The following VPS26B variants were observed in gnomAD, a reference collection of about 807,000 sequenced individuals.
VPS26B encodes vacuolar protein sorting-associated protein 26B.
A neutral mutation model predicts 33.3 loss-of-function variants in VPS26B; 10 were observed. That is an observed-to-expected ratio of 0.30 (90% CI 0.19 to 0.51). The LOEUF (loss-of-function observed/expected upper bound fraction) is 0.51, where lower values mean the gene tolerates loss of function less well. VPS26B is among the 20% of genes least tolerant of loss of function. The probability of loss-of-function intolerance (pLI) is 0.98; values close to 1 mark genes in which losing one functional copy is unlikely to be tolerated. For missense variants in VPS26B, 317 were observed against 452.7 expected, an observed-to-expected ratio of 0.70 and a Z score of 2.72; for synonymous variants, 190 against 176.9, an observed-to-expected ratio of 1.07 and a Z score of -0.59.
chr11:134,235,171 C>T (rs576937468), intron 2 of VPS26B, 118 bp downstream of exon 2: 41 of 1,301,264 alleles, frequency 3.2e-5, no homozygotes, highest in African/African-American at 1.0e-4. Context: ...AAGAGTGTCG[C>T]GAGCTGTGGC....
In VPS26B at chr11:134,238,837, C is replaced by T. The variant is rs538349540; in HGVS notation, c.381-1154C>T. On this transcript the variant is annotated intron_variant, in intron 2 of 5. Transcript: ENST00000281187. ...GTCTCGATCTCCTGACCTCGTGATC[C>T]GCCCGCCTCTGCCTCCCAAAGTGCT... 7.2e-5 allele frequency among the ~76,000 whole-genome samples: 11 copies of T among 151,976 alleles called. No homozygotes were observed. The East Asian group carries it at 9.7e-4, about 13-fold the overall frequency.
intron 3 of VPS26B, 75 bp from the exon 4 acceptor site, chr11:134,243,044 C>A: frequency 6.8e-7 from 1 of 1,480,608 alleles, no homozygotes; most frequent in Non-Finnish European, 9.3e-7. Context: ...TTGGCCGTGG[C>A]GTGTGCGCTC....
chr11:134,234,731 G>A (rs1055747260), intron 1 of VPS26B, among the ~76,000 whole-genome samples, 166 bp from the exon 2 acceptor site: 3 of 152,138 alleles, frequency 2.0e-5, no homozygotes, highest in African/African-American at 7.2e-5. Flanking sequence ...GAAGAAGGAG[G>A]GAGTGAAAGA....
chr11:134,228,624 T>C (rs1173052445), intron 1 of VPS26B, among the ~76,000 whole-genome samples: 2 of 152,264 alleles, frequency 1.3e-5, no homozygotes, highest in Non-Finnish European at 2.9e-5. Context: ...TGGAAGTCTA[T>C]TTGGAGGCAC....
At position 134,225,042 on chromosome 11, in the gene VPS26B, C is replaced by T; in HGVS notation, c.-81C>T. 7.1e-7 allele frequency: 1 copy of T among 1,401,264 alleles called. No homozygotes were observed. The highest frequency in any genetic ancestry group is 9.5e-7 in the Non-Finnish European group (1 of 1,050,906). 86.8% of individuals were successfully genotyped at this position (1,401,264 alleles called of 1,614,324 possible). On this transcript the variant is annotated 5_prime_UTR_variant, in exon 1 of 6. Transcript: ENST00000281187. Reference sequence around the variant, plus strand: ...CGAGCGCGCTCGCGCATCGGGCCCTCTGGCCTTCTTTACCTAGGGCAGCCC... The same window carrying T: ...CGAGCGCGCTCGCGCATCGGGCCCTTTGGCCTTCTTTACCTAGGGCAGCCC...
Position 134,225,229 on chromosome 11 carries a change from A to G in VPS26B, c.107A>G (p.Lys36Arg), listed in dbSNP as rs1938426044. 6.2e-7 allele frequency: 1 copy of G among 1,614,106 alleles called. No individual in the cohort carries two copies. Among genetic ancestry groups the G allele is most frequent in the African/African-American group, 1.3e-5 (1 of 75,050 alleles). ...AAGACGGAGGACGGGAAGAAGGAGAAATATTTCCTCTTCTACGACGGGGAG... is the reference window on the plus strand; with the variant it reads ...AAGACGGAGGACGGGAAGAAGGAGAGATATTTCCTCTTCTACGACGGGGAG... ...EHKTEDGKKE[K>R]YFLFYDGETV... is the part of the protein sequence containing the mutation. The change falls in exon 1 of 6, where the codon AAA becomes AGA. Residue 36 changes from lysine (K) to arginine (R), a missense_variant. Physicochemically the swap from Lys to Arg is conservative, Grantham distance 26. Transcript: ENST00000281187.
At chr11:134,243,492 C>T in intron 4 of VPS26B, 198 bp downstream of exon 4, 1 of 604,800 alleles carries the variant, frequency 1.7e-6, no homozygotes, top group Non-Finnish European at 2.8e-6. Context: ...AGGCTACTAT[C>T]CCATCTTCAC....
chr11:134,239,815 G>A, intron 2 of VPS26B, 176 bp from the exon 3 acceptor site: 1 of 683,306 alleles, frequency 1.5e-6, no homozygotes, highest in South Asian at 1.7e-5. Context: ...CTCTGTATAG[G>A]TACATATGTG....
intron 2 of VPS26B, 122 bp downstream of exon 2, chr11:134,235,175 C>T: frequency 4.7e-6 from 6 of 1,266,636 alleles, no homozygotes; most frequent in Non-Finnish European, 6.5e-6. Context: ...GTGTCGCGAG[C>T]TGTGGCGTGC....
At position 134,240,254 on chromosome 11, in the gene VPS26B, C is replaced by T; in HGVS notation, c.545+99C>T. The T allele has an allele frequency of 7.2e-7, 1 of 1,389,342 alleles. No individual in the cohort carries two copies. Among genetic ancestry groups the T allele is most frequent in the Non-Finnish European group, 1.0e-6 (1 of 999,380 alleles). 86.1% of individuals were successfully genotyped at this position (1,389,342 alleles called of 1,614,324 possible). Reference sequence around the variant, plus strand: ...CTGATGACCCTCTGTGACTCGACTGCTTTGTGGTGGCATGCGGTGGGGGAA... The same window carrying T: ...CTGATGACCCTCTGTGACTCGACTGTTTTGTGGTGGCATGCGGTGGGGGAA... On this transcript the variant is annotated intron_variant, in intron 3 of 5. Transcript: ENST00000281187. This position sits in a 1 kb window ranked among gnomAD's most constrained non-coding sequence, Gnocchi z 4.4.
intron 2 of VPS26B, among the ~76,000 whole-genome samples, chr11:134,236,154 A>G (rs1235114494): frequency 6.6e-6 from 1 of 152,126 alleles, no homozygotes; most frequent in Admixed American, 6.5e-5. Flanking sequence ...TACGAAAAAA[A>G]AAAATTTTTT....
At position 134,245,566 on chromosome 11, in the gene VPS26B, G is replaced by C. The variant is rs1938800188; in HGVS notation, c.987G>C (p.Leu329=). The C allele has an allele frequency of 1.2e-6, 2 of 1,612,030 alleles. No homozygotes were observed. The highest frequency in any genetic ancestry group is 2.7e-5 in the African/African-American group (2 of 74,932). The part of the protein sequence containing the change: ...SLGEVRTPSQ[L]SDNNCRQ ...GTGAGGTGCGGACCCCCAGCCAGCT[G>C]TCTGACAACAACTGCAGGCAGTAGG... is the stretch of plus-strand genomic sequence containing the variant. Residue 329 remains leucine (L), a synonymous_variant, in exon 6 of 6, where the codon CTG becomes CTC. Coordinates refer to ENST00000281187, the MANE Select transcript of VPS26B (RefSeq NM_052875.5). This position sits in a 1 kb window ranked among gnomAD's most constrained non-coding sequence, Gnocchi z 4.7.
intron 1 of VPS26B, among the ~76,000 whole-genome samples, chr11:134,232,909 G>A (rs1938576279): frequency 6.6e-6 from 1 of 152,174 alleles, no homozygotes; most frequent in Non-Finnish European, 1.5e-5. Context: ...AAGCCGAGGA[G>A]TCCCTGTCCC....
At chr11:134,237,779 C>T (rs1219041989) in intron 2 of VPS26B, among the ~76,000 whole-genome samples, 1 of 152,046 alleles carries the variant, frequency 6.6e-6, no homozygotes. Context: ...TTACTGACCT[C>T]GAGGCGAGCG....
intron 1 of VPS26B, among the ~76,000 whole-genome samples, chr11:134,232,503 G>A (rs1170738050): frequency 6.6e-6 from 1 of 152,222 alleles, no homozygotes; most frequent in Admixed American, 6.5e-5. Context: ...ATGTGTGCAG[G>A]AGGAAAGGCA....
chr11:134,234,399 C>T (rs1053739816), intron 1 of VPS26B, among the ~76,000 whole-genome samples: 2 of 152,242 alleles, frequency 1.3e-5, no homozygotes, highest in Admixed American at 6.5e-5. Flanking sequence ...GCTCTAGTCT[C>T]AGCTCTGCAG....
chr11:134,242,948 A>AGACC (rs1938755786), intron 3 of VPS26B, among the ~76,000 whole-genome samples, 171 bp from the exon 4 acceptor site: 1 of 152,224 alleles, frequency 6.6e-6, no homozygotes, highest in African/African-American at 2.4e-5. Flanking sequence ...ATCCAAGTAA[A>AGACC]GACCGCACTG....
intron 1 of VPS26B, 75 bp from the exon 2 acceptor site, chr11:134,234,822 C>T (rs1345236047): frequency 1.3e-6 from 2 of 1,550,162 alleles, no homozygotes; most frequent in Non-Finnish European, 1.8e-6. Flanking sequence ...CAGCCTACAG[C>T]CTCCAGCCCC....
At chr11:134,227,745 C>G (rs543291536) in intron 1 of VPS26B, among the ~76,000 whole-genome samples, 1 of 152,312 alleles carries the variant, frequency 6.6e-6, no homozygotes, top group Admixed American at 6.5e-5. Context: ...AAAATAACAT[C>G]ACTTGGTGAG....
Sources: gnomAD v4.1 joint callset for allele counts (sites outside exome capture counted in the v4.1 genomes callset) on GRCh38, gnomAD v4.1.1 for gene constraint, Gnocchi (gnomAD v3.1) non-coding constraint, MANE v1.5 for transcripts, NCBI Gene and HGNC (gene_info 2026-07-23, HGNC 2026-07-21) for gene names.